Variants in DPP6 observed in about 807,000 individuals in gnomAD.
The protein encoded by DPP6 is dipeptidyl peptidase like 6, also known as A-type potassium channel modulatory protein DPP6.
In DPP6, 69 loss-of-function variants were observed where a neutral mutation model predicts 122.6. The ratio of observed to expected loss-of-function variants is 0.56; its 90% CI spans 0.46 to 0.69. The LOEUF (loss-of-function observed/expected upper bound fraction) is 0.69, where lower values mean the gene tolerates loss of function less well. Among genes scored for constraint, DPP6 ranks in the 30% least tolerant of loss-of-function variants. The probability of loss-of-function intolerance (pLI) is 0.00; values close to 1 mark genes in which losing one functional copy is unlikely to be tolerated. For synonymous variants in DPP6, 418 were observed against 433.1 expected (o/e 0.97, Z 0.43); for missense variants, 928 against 1,116.9 (o/e 0.83, Z 2.41).
intron 1 of DPP6, among the ~76,000 whole-genome samples, chr7:154,008,221 C>T (rs983537373): frequency 2.0e-5 from 3 of 152,040 alleles, no homozygotes; most frequent in Admixed American, 6.5e-5. Flanking sequence ...TGCAAAAGTC[C>T]ACACCCCTGA....
At chr7:154,375,633 G>A (rs1189923632) in intron 1 of DPP6, among the ~76,000 whole-genome samples, 1 of 151,768 alleles carries the variant, frequency 6.6e-6, no homozygotes, top group African/African-American at 2.4e-5. Context: ...GACTCAGTGA[G>A]AAGGGAGCCA....
At chr7:154,082,842 T>TTTTC (rs758809712) in intron 1 of DPP6, among the ~76,000 whole-genome samples, 39,200 of 107,782 alleles carry the variant, frequency 0.36, 7,837 homozygotes, top group South Asian at 0.48. Flanking sequence ...TATCTTTTCT[T>TTTTC]TTTCTTTTTT....
intron 1 of DPP6, among the ~76,000 whole-genome samples, chr7:154,096,339 A>C (rs1397272993): frequency 2.9e-5 from 3 of 104,206 alleles, no homozygotes; most frequent in Non-Finnish European, 5.7e-5. Context: ...AAAATTTTTC[A>C]GGGACATTGA....
At chr7:154,250,438 G>A (rs759855878) in intron 1 of DPP6, among the ~76,000 whole-genome samples, 16 of 152,128 alleles carry the variant, frequency 1.1e-4, no homozygotes, top group Non-Finnish European at 1.8e-4. Context: ...GGCTACTGGT[G>A]TGCATTGCCC....
intron 1 of DPP6, among the ~76,000 whole-genome samples, chr7:153,940,192 T>G (rs1443323655): frequency 6.6e-6 from 1 of 152,188 alleles, no homozygotes; most frequent in Non-Finnish European, 1.5e-5. Flanking sequence ...AAAACTCATT[T>G]TGTCAGTCCA....
chr7:154,071,685 T>A (rs1372285651), intron 1 of DPP6, among the ~76,000 whole-genome samples: 1 of 152,254 alleles, frequency 6.6e-6, no homozygotes, highest in Non-Finnish European at 1.5e-5. Flanking sequence ...ATGCCAGATA[T>A]CATTTTTCTC....
intron 1 of DPP6, among the ~76,000 whole-genome samples, chr7:154,280,877 A>G (rs866118267): frequency 6.6e-5 from 10 of 152,128 alleles, no homozygotes; most frequent in Non-Finnish European, 1.5e-4. Context: ...TTGTTATCCC[A>G]TTTTTCCACG....
chr7:154,830,893 CCT>C (rs1323643001), intron 16 of DPP6, among the ~76,000 whole-genome samples: 1 of 152,170 alleles, frequency 6.6e-6, no homozygotes, highest in East Asian at 1.9e-4. Context: ...GCTTAAGATC[CCT>C]TTGGTAGATG....
At chr7:153,852,364 C>T in the DPP6 span, among the ~76,000 whole-genome samples, 1 of 152,012 alleles carries the variant, frequency 6.6e-6, no homozygotes, top group Admixed American at 6.6e-5. Flanking sequence ...CCTCAGGGAA[C>T]TTAGTCATGA....
chr7:154,615,500 A>C (rs1477150543), intron 5 of DPP6, among the ~76,000 whole-genome samples: 2 of 152,228 alleles, frequency 1.3e-5, no homozygotes, highest in Admixed American at 6.5e-5. Flanking sequence ...GTGGAAAAAA[A>C]TGTATACACA....
intron 1 of DPP6, among the ~76,000 whole-genome samples, chr7:154,209,605 C>T (rs546256627): frequency 6.6e-6 from 1 of 151,646 alleles, no homozygotes; most frequent in Admixed American, 6.6e-5. Context: ...TGATACCAAG[C>T]GTACCTAGTT....
chr7:154,665,852 C>T (rs1185581641), intron 6 of DPP6, among the ~76,000 whole-genome samples: 1 of 151,812 alleles, frequency 6.6e-6, no homozygotes, highest in Non-Finnish European at 1.5e-5. Flanking sequence ...TTCCTTATAA[C>T]GTTTTTTTTC....
Position 154,129,726 on chromosome 7 carries a change from T to C in DPP6, c.243+76663T>C, listed in dbSNP as rs530876151. ...CATCCTGGCTAACACAGTGAAACCC[T>C]GTCTCTGCTAAAAAGACAAAACAAT... On this transcript the variant is annotated intron_variant, in intron 1 of 25. Coordinates refer to ENST00000377770, the MANE Select transcript of DPP6 (RefSeq NM_130797.4). Among the ~76,000 whole-genome samples the C allele has an allele frequency of 4.9e-3, 745 of 152,186 alleles. 5 individuals are homozygous for C. The highest frequency in any genetic ancestry group is 0.017 in the African/African-American group (712 of 41,524).
chr7:154,097,896 G>A (rs1376879644), intron 1 of DPP6, among the ~76,000 whole-genome samples: 1 of 152,188 alleles, frequency 6.6e-6, no homozygotes, highest in Non-Finnish European at 1.5e-5. Flanking sequence ...AGGGAGTGGT[G>A]GGAGGGAGGT....
At chr7:154,474,825 C>T (rs1004064587) in intron 2 of DPP6, 114 bp from the exon 3 acceptor site, 10 of 745,412 alleles carry the variant, frequency 1.3e-5, no homozygotes, top group East Asian at 5.5e-5. Context: ...CACTTATGGA[C>T]GTCATGTGTG....
chr7:154,090,420 G>T (rs1804718663), intron 1 of DPP6, among the ~76,000 whole-genome samples: 1 of 152,156 alleles, frequency 6.6e-6, no homozygotes, highest in African/African-American at 2.4e-5. Flanking sequence ...AAATCCTCTT[G>T]CATTTAGTTG....
intron 9 of DPP6, among the ~76,000 whole-genome samples, chr7:154,770,486 G>C (rs2150379700): frequency 6.6e-6 from 1 of 152,264 alleles, no homozygotes; most frequent in East Asian, 1.9e-4. Context: ...AGACCCCAGA[G>C]AGACCCCTCT....
At chr7:154,601,575 C>T (rs1470612186) in intron 5 of DPP6, among the ~76,000 whole-genome samples, 1 of 120,844 alleles carries the variant, frequency 8.3e-6, no homozygotes, top group Non-Finnish European at 1.9e-5. Context: ...CTTTTTCTAT[C>T]CTTTTACTTC....
chr7:154,852,292 G>C (rs565766960), intron 16 of DPP6, among the ~76,000 whole-genome samples: 2 of 152,250 alleles, frequency 1.3e-5, no homozygotes, highest in East Asian at 3.9e-4. Flanking sequence ...CAGCTTTGCT[G>C]TGGCCACCCC....
Sources: allele counts gnomAD v4.1 joint callset (sites outside exome capture counted in the v4.1 genomes callset), GRCh38; gene constraint gnomAD v4.1.1; transcripts MANE v1.5; gene names NCBI Gene and HGNC (gene_info 2026-07-23, HGNC 2026-07-21).